PCGF3: variants seen among roughly 807,000 people sequenced by gnomAD.
The protein encoded by PCGF3 is polycomb group ring finger 3, also known as polycomb group RING finger protein 3.
Under a neutral mutation model 33.1 loss-of-function variants are expected in PCGF3, and 7 were observed. The ratio of observed to expected loss-of-function variants is 0.21; its 90% CI spans 0.12 to 0.40. The LOEUF (loss-of-function observed/expected upper bound fraction) is 0.40. PCGF3 is among the 10% of genes least tolerant of loss of function. PCGF3 has a pLI of 1.00. For missense variants in PCGF3, 211 were observed against 313.3 expected (o/e 0.67, Z 2.46); for synonymous variants, 153 against 121.3 (o/e 1.26, Z -1.72).
In PCGF3 at chr4:736,308, C is replaced by G. The variant is rs1360937718; in HGVS notation, c.207-1158C>G. On this transcript the variant is annotated intron_variant, in intron 5 of 10. Coordinates refer to ENST00000362003, the Ensembl canonical transcript of PCGF3. ...GGTCATCTGCCCGCCTCAGTCTCCC[C>G]AAATGCTAGGATTACAGGTGTGAGC... Among the ~76,000 whole-genome samples, 4 of 152,288 alleles carry G rather than the reference C, an allele frequency of 2.6e-5. No individual in the cohort carries two copies. The South Asian group carries it at 8.3e-4, about 32-fold the overall frequency.
At chr4:765,787 A>G (rs1745334800) in intron 10 of PCGF3, among the ~76,000 whole-genome samples, 1 of 152,112 alleles carries the variant, frequency 6.6e-6, no homozygotes, top group Non-Finnish European at 1.5e-5. Flanking sequence ...GGTGGCCACC[A>G]CGGTGTGCAC....
intron 1 of PCGF3, among the ~76,000 whole-genome samples, chr4:726,396 C>T (rs1435714732): frequency 2.6e-5 from 4 of 152,246 alleles, no homozygotes; most frequent in Non-Finnish European, 5.9e-5. Context: ...CCAGCAAACC[C>T]GCTCACACAG....
chr4:731,422 G>A (rs993887069), intron 3 of PCGF3: 7 of 365,824 alleles, frequency 1.9e-5, no homozygotes, highest in African/African-American at 1.3e-4. Flanking sequence ...CCTCAGCCCA[G>A]TGAGTTGTGA....
chr4:734,205 G>A (rs1438232661), intron 4 of PCGF3: 2 of 1,529,964 alleles, frequency 1.3e-6, no homozygotes, highest in Middle Eastern at 1.8e-4. Flanking sequence ...GGTGTTAGAG[G>A]ACTCACACCT....
intron 1 of PCGF3, among the ~76,000 whole-genome samples, chr4:717,671 C>T (rs938605127): frequency 1.3e-5 from 2 of 152,214 alleles, no homozygotes; most frequent in African/African-American, 4.8e-5. Context: ...AGCCACCGCG[C>T]CCGGCTGTGT....
chr4:742,691 C>G (rs1312327183), intron 6 of PCGF3, among the ~76,000 whole-genome samples: 1 of 152,212 alleles, frequency 6.6e-6, no homozygotes, highest in Non-Finnish European at 1.5e-5. Flanking sequence ...CAGGCCTCCT[C>G]TGGTCCGGCC....
chr4:735,093 G>C, intron 5 of PCGF3, 66 bp downstream of exon 5: 1 of 1,521,708 alleles, frequency 6.6e-7, no homozygotes, highest in Non-Finnish European at 8.9e-7. Context: ...CTGTGTGTGG[G>C]CCTTCCCAGG....
At chr4:727,120 C>T (rs956937546) in intron 1 of PCGF3, among the ~76,000 whole-genome samples, 16 of 152,048 alleles carry the variant, frequency 1.1e-4, no homozygotes, top group Admixed American at 2.6e-4. Context: ...GTTTATCATC[C>T]GCCTTCTGAT....
At chr4:762,877 T>C (rs1745141001) in intron 9 of PCGF3, 1 of 152,126 alleles carries the variant, frequency 6.6e-6, no homozygotes, top group Admixed American at 6.5e-5. Flanking sequence ...GCTGATGTAT[T>C]TGGGTGGTGA....
At chr4:713,957 A>G (rs1742693060) in intron 1 of PCGF3, among the ~76,000 whole-genome samples, 1 of 152,144 alleles carries the variant, frequency 6.6e-6, no homozygotes, top group South Asian at 2.1e-4. Context: ...AAATCGCAAT[A>G]CAGAAAAATG....
chr4:710,771 G>A (rs191957702), intron 1 of PCGF3, among the ~76,000 whole-genome samples: 3 of 152,214 alleles, frequency 2.0e-5, no homozygotes, highest in East Asian at 1.9e-4. Context: ...ATTACAAGGT[G>A]TGTGTCACTG....
At chr4:744,089 C>A (rs993636628) in intron 7 of PCGF3, 12 of 164,550 alleles carry the variant, frequency 7.3e-5, no homozygotes, top group Non-Finnish European at 1.5e-4. Context: ...TGGGAGGGGC[C>A]TGGCTCTGTC....
intron 9 of PCGF3, chr4:762,411 G>A (rs1274925313): frequency 4.6e-5 from 7 of 152,216 alleles, no homozygotes; most frequent in African/African-American, 1.7e-4. Context: ...CCCCGGCTGT[G>A]GTCCGAAAGC....
chr4:751,809 C>G (rs1200594008), intron 8 of PCGF3, among the ~76,000 whole-genome samples: 1 of 152,020 alleles, frequency 6.6e-6, no homozygotes, highest in Non-Finnish European at 1.5e-5. Flanking sequence ...CAACTCAGAG[C>G]AGCCGAGGCT....
chr4:713,152 G>T (rs1356969139), intron 1 of PCGF3, among the ~76,000 whole-genome samples: 1 of 146,872 alleles, frequency 6.8e-6, no homozygotes, highest in Non-Finnish European at 1.5e-5. Context: ...CTGTGGCTTT[G>T]TGAGTCCTGT....
intron 9 of PCGF3, chr4:761,682 A>T: frequency 4.1e-6 from 4 of 985,376 alleles, no homozygotes; most frequent in Non-Finnish European, 3.6e-6. Context: ...TTAAAATAGG[A>T]TAAAGGTTTT....
At chr4:756,597 G>GT (rs780246586) in intron 8 of PCGF3, among the ~76,000 whole-genome samples, 41 of 151,812 alleles carry the variant, frequency 2.7e-4, no homozygotes, top group Non-Finnish European at 4.7e-4. Flanking sequence ...GAATTTTCAT[G>GT]TTTTTTTTAA....
At position 737,529 on chromosome 4, in the gene PCGF3, TCTGA is replaced by T; in HGVS notation, c.262+12_262+15del. The T allele has an allele frequency of 1.3e-6, 2 of 1,570,950 alleles. No homozygotes were observed. The highest frequency in any genetic ancestry group is 2.2e-5 in the East Asian group (1 of 44,650). On this transcript the variant is annotated intron_variant, in intron 6 of 10. Coordinates refer to ENST00000362003, the Ensembl canonical transcript of PCGF3. ...TACCAGGCCTCCAAGAAGGTGAGTGTCTGACTGTCTTGCTGATCCCTGAGGTCCC... is the reference window on the plus strand; with the variant it reads ...TACCAGGCCTCCAAGAAGGTGAGTGTCTGTCTTGCTGATCCCTGAGGTCCC...
intron 8 of PCGF3, among the ~76,000 whole-genome samples, chr4:749,108 GATTT>G (rs939080496): frequency 2.0e-5 from 3 of 152,188 alleles, no homozygotes; most frequent in East Asian, 3.8e-4. Flanking sequence ...ACGTGCTAAA[GATTT>G]ATTTGTTGCT....
Sources: allele counts gnomAD v4.1 joint callset (sites outside exome capture counted in the v4.1 genomes callset), GRCh38; gene constraint gnomAD v4.1.1; transcripts MANE v1.5; gene names NCBI Gene and HGNC (gene_info 2026-07-23, HGNC 2026-07-21).